MCF2L: variants seen among roughly 807,000 people sequenced by gnomAD.
The protein encoded by MCF2L is guanine nucleotide exchange factor DBS.
In MCF2L, 97 loss-of-function variants were observed where a neutral mutation model predicts 153.4. That is an observed-to-expected ratio of 0.63 (90% CI 0.54 to 0.75). The LOEUF (loss-of-function observed/expected upper bound fraction) is 0.75, where lower values mean the gene tolerates loss of function less well. Among genes scored for constraint, MCF2L ranks in the 30% least tolerant of loss-of-function variants. The pLI, the probability that MCF2L is intolerant of heterozygous loss-of-function variation, is 0.00. For missense variants in MCF2L, 1,347 were observed against 1,495.2 expected (o/e 0.90, Z 1.64); for synonymous variants, 659 against 632.2 (o/e 1.04, Z -0.64).
chr13:113,003,740 T>C (rs924600677), intron 1 of MCF2L, among the ~76,000 whole-genome samples: 1 of 152,134 alleles, frequency 6.6e-6, no homozygotes, highest in Non-Finnish European at 1.5e-5. Flanking sequence ...TGAAGAAGCA[T>C]TGTCGGTGCC....
chr13:112,965,015 A>G (rs1054746773), upstream of MCF2L: 1 of 152,248 alleles, frequency 6.6e-6, no homozygotes, highest in Admixed American at 6.5e-5. Flanking sequence ...TTTTATCCCC[A>G]AAAGACCATC....
At chr13:112,899,098 G>C (rs990460856) in intron 1 of MCF2L, among the ~76,000 whole-genome samples, 1 of 152,234 alleles carries the variant, frequency 6.6e-6, no homozygotes, top group Non-Finnish European at 1.5e-5. Flanking sequence ...TTGTGTCCTC[G>C]GCACCTGCGT....
chr13:113,049,154 T>C (rs1473110859), intron 4 of MCF2L, among the ~76,000 whole-genome samples: 1 of 152,164 alleles, frequency 6.6e-6, no homozygotes, highest in Non-Finnish European at 1.5e-5. Flanking sequence ...AGCCCTGGTT[T>C]CATGAAGGAG....
intron 26 of MCF2L, chr13:113,091,277 G>T (rs1186657039): frequency 4.2e-6 from 5 of 1,202,194 alleles, no homozygotes; most frequent in Middle Eastern, 2.2e-4. Context: ...GGCCGTCAAG[G>T]CCACCTAAGG....
At chr13:113,072,236 A>C (rs1463614294) in intron 9 of MCF2L, among the ~76,000 whole-genome samples, 1 of 152,180 alleles carries the variant, frequency 6.6e-6, no homozygotes, top group African/African-American at 2.4e-5. Flanking sequence ...TTTTTTGTGA[A>C]GTCCTTGACA....
intron 12 of MCF2L, 64 bp from the exon 13 acceptor site, chr13:113,076,988 G>A (rs2033561060): frequency 6.5e-7 from 1 of 1,541,954 alleles, no homozygotes. Flanking sequence ...TTCTGCGCCT[G>A]ACTGTGTATT....
At chr13:112,922,240 G>A (rs1319741608) in intron 2 of MCF2L, among the ~76,000 whole-genome samples, 1 of 152,158 alleles carries the variant, frequency 6.6e-6, no homozygotes, top group Non-Finnish European at 1.5e-5. Context: ...GATACTGATA[G>A]AGCCAAAGTC....
At chr13:113,001,880 G>T (rs1261774107) in intron 1 of MCF2L, 41 of 1,573,326 alleles carry the variant, frequency 2.6e-5, no homozygotes, top group Non-Finnish European at 3.5e-5. Context: ...CCGGGAGCCG[G>T]GTCGGGGGCT....
intron 1 of MCF2L, among the ~76,000 whole-genome samples, chr13:112,898,198 A>G (rs1435985141): frequency 6.6e-6 from 1 of 152,162 alleles, no homozygotes; most frequent in Non-Finnish European, 1.5e-5. Flanking sequence ...GCCTGGGATG[A>G]GACACACTGT....
In MCF2L at chr13:113,045,108, T is replaced by A; in HGVS notation, c.279-163T>A. The A allele has an allele frequency of 1.1e-6, 1 of 912,912 alleles. No homozygotes were observed. The highest frequency in any genetic ancestry group is 1.7e-6 in the Non-Finnish European group (1 of 586,028). 56.6% of individuals were successfully genotyped at this position (912,912 alleles called of 1,614,324 possible). On this transcript the variant is annotated intron_variant, in intron 3 of 29. Transcript: ENST00000535094. This position sits in a 1 kb window ranked among gnomAD's most constrained non-coding sequence, Gnocchi z 4.2. Reference sequence around the variant, plus strand: ...AGAGCAGGTTCTGGGACTGCGGGGATGGGGCTGCCGGGGCCCCCGTGTGCC... The same window carrying A: ...AGAGCAGGTTCTGGGACTGCGGGGAAGGGGCTGCCGGGGCCCCCGTGTGCC...
chr13:112,984,178 G>A (rs954103888), intron 1 of MCF2L, among the ~76,000 whole-genome samples: 6 of 152,146 alleles, frequency 3.9e-5, no homozygotes, highest in Non-Finnish European at 8.8e-5. Context: ...TGGGGTATTT[G>A]GAGCTGAGTT....
intron 3 of MCF2L, chr13:113,044,353 G>A (rs954481070): frequency 1.5e-5 from 5 of 343,214 alleles, no homozygotes; most frequent in Non-Finnish European, 2.8e-5. Flanking sequence ...AAATCCGAGC[G>A]TCAGAAGGAT....
At chr13:113,005,069 C>T (rs532840240) in intron 1 of MCF2L, among the ~76,000 whole-genome samples, 25 of 152,290 alleles carry the variant, frequency 1.6e-4, no homozygotes, top group Admixed American at 3.3e-4. Context: ...CCAGCCCACA[C>T]GTGGAATCGA....
rs768109435 is a variant in MCF2L at position 113,044,688 on chromosome 13, G to T, written c.279-583G>T. The T allele has an allele frequency of 3.1e-6, 5 of 1,612,654 alleles. No homozygotes were observed. In the Admixed American group the frequency reaches 8.3e-5, roughly 27 times the overall value. ...CCAGGCTCATCCGAGGACGGAGGCT[G>T]TCGTTATACAACGCGCAAGTGTGGT... On this transcript the variant is annotated intron_variant, in intron 3 of 29. Coordinates refer to ENST00000535094, the MANE Select transcript of MCF2L (RefSeq NM_001112732.3).
intron 1 of MCF2L, among the ~76,000 whole-genome samples, chr13:112,998,514 C>T (rs1467977662): frequency 2.0e-5 from 3 of 152,110 alleles, no homozygotes; most frequent in African/African-American, 4.8e-5. Flanking sequence ...GCTCCCAGGA[C>T]GGGTCTGAAA....
At chr13:112,917,032 A>T (rs2081299615) in intron 2 of MCF2L, 1 of 469,546 alleles carries the variant, frequency 2.1e-6, no homozygotes, top group African/African-American at 2.0e-5. Flanking sequence ...GCCAAGTCTG[A>T]GTTCTCCCCG....
intron 1 of MCF2L, among the ~76,000 whole-genome samples, chr13:112,976,649 C>T (rs577036211): frequency 6.6e-6 from 1 of 152,316 alleles, no homozygotes; most frequent in East Asian, 1.9e-4. Flanking sequence ...CAGCCATTCA[C>T]CAAAGGTGCC....
chr13:112,902,948 C>A (rs1286726709), intron 2 of MCF2L, among the ~76,000 whole-genome samples: 1 of 152,228 alleles, frequency 6.6e-6, no homozygotes, highest in African/African-American at 2.4e-5. Context: ...CTCTCTCCAG[C>A]CCCTGCCTGT....
chr13:113,056,403 TG>T (rs1349052862), intron 4 of MCF2L, among the ~76,000 whole-genome samples: 1 of 131,860 alleles, frequency 7.6e-6, no homozygotes, highest in African/African-American at 2.9e-5. Flanking sequence ...CTGAGTGTTT[TG>T]GCACTGAGTG....
Sources: allele counts gnomAD v4.1 joint callset (sites outside exome capture counted in the v4.1 genomes callset), GRCh38; gene constraint gnomAD v4.1.1; non-coding constraint Gnocchi (gnomAD v3.1); transcripts MANE v1.5; gene names NCBI Gene and HGNC (gene_info 2026-07-23, HGNC 2026-07-21).